Variants in BPTF observed in about 807,000 individuals in gnomAD.
BPTF encodes the protein nucleosome-remodeling factor subunit BPTF.
BPTF carries 18 observed loss-of-function variants against 292.5 expected under a neutral mutation model. The ratio of observed to expected loss-of-function variants is 0.06; its 90% CI spans 0.04 to 0.09. BPTF has a LOEUF of 0.09. BPTF is among the 10% of genes least tolerant of loss of function. The pLI, the probability that BPTF is intolerant of heterozygous loss-of-function variation, is 1.00. For missense variants in BPTF, 2,726 were observed against 3,498.7 expected (o/e 0.78, Z 5.57); for synonymous variants, 1,225 against 1,251.9 (o/e 0.98, Z 0.45).
At chr17:67,918,280 T>C (rs182217499) in intron 11 of BPTF, among the ~76,000 whole-genome samples, 18 of 152,346 alleles carry the variant, frequency 1.2e-4, no homozygotes, top group African/African-American at 4.3e-4. Context: ...AGGTTTCTTG[T>C]TTTTGCAAAA....
intron 5 of BPTF, 117 bp downstream of exon 5, chr17:67,892,151 A>T: frequency 1.2e-6 from 1 of 804,820 alleles, no homozygotes; most frequent in East Asian, 3.0e-5. Flanking sequence ...TTTGAATTAT[A>T]TTTTCTCTGT....
At chr17:67,969,322 C>T (rs1262386147) in intron 26 of BPTF, among the ~76,000 whole-genome samples, 2 of 150,296 alleles carry the variant, frequency 1.3e-5, no homozygotes, top group Non-Finnish European at 2.9e-5. Flanking sequence ...GGTGTGGTGG[C>T]GGGTGCCTGT....
intron 27 of BPTF, among the ~76,000 whole-genome samples, chr17:67,981,036 G>A (rs1255147374): frequency 6.6e-6 from 1 of 152,174 alleles, no homozygotes; most frequent in African/African-American, 2.4e-5. Flanking sequence ...GCATGTGCCT[G>A]TAGTCCCAGC....
chr17:67,844,062 GC>G (rs141956418), intron 1 of BPTF, among the ~76,000 whole-genome samples: 8 of 139,194 alleles, frequency 5.7e-5, no homozygotes, highest in Admixed American at 5.0e-4. Context: ...ACCGTGCCCG[GC>G]CCCCGCCTTT....
chr17:67,917,140 T>TCC lies in BPTF; in HGVS notation c.5304-1574_5304-1573insCC, dbSNP rs1369866927. Among the ~76,000 whole-genome samples the TCC allele has an allele frequency of 1.3e-4, 19 of 145,430 alleles. 2 individuals are homozygous for TCC. The highest frequency in any genetic ancestry group is 4.9e-4 in the African/African-American group (19 of 38,900). On this transcript the variant is annotated intron_variant, in intron 11 of 27. Transcript: ENST00000306378. ...CTAATATGGTATTGTCCTTTTTTTTTTTTTTTTTTTGAGATAGAGTCTCAC... is the reference window on the plus strand; with the variant it reads ...CTAATATGGTATTGTCCTTTTTTTTTCCTTTTTTTTTTGAGATAGAGTCTCAC...
At chr17:67,950,600 G>A (rs1321510839) in intron 23 of BPTF, among the ~76,000 whole-genome samples, 1 of 152,074 alleles carries the variant, frequency 6.6e-6, no homozygotes, top group Non-Finnish European at 1.5e-5. Flanking sequence ...CACTTTGGGA[G>A]GCTGAGGCGA....
chr17:67,942,803 A>G lies in BPTF; in HGVS notation c.6478-1347A>G, dbSNP rs1343448351. The stretch of plus-strand genomic sequence containing the variant: ...AAAAATGAATAGACTTCAGCCACAC[A>G]GAACTATGCAGATGATTCTCACAAA... On this transcript the variant is annotated intron_variant, in intron 19 of 27. Coordinates refer to ENST00000306378, the MANE Select transcript of BPTF (RefSeq NM_182641.4). 5.3e-5 allele frequency among the ~76,000 whole-genome samples: 8 copies of G among 152,254 alleles called. No individual in the cohort carries two copies. The East Asian group carries it at 1.3e-3, about 26-fold the overall frequency.
chr17:67,964,478 A>G, intron 25 of BPTF, 74 bp downstream of exon 25: 2 of 1,469,448 alleles, frequency 1.4e-6, no homozygotes, highest in East Asian at 2.4e-5. Context: ...CTAGGATTTC[A>G]AGTTTCCAAT....
At chr17:67,884,767 A>T (rs898849969) in intron 4 of BPTF, among the ~76,000 whole-genome samples, 1 of 151,870 alleles carries the variant, frequency 6.6e-6, no homozygotes, top group Non-Finnish European at 1.5e-5. Context: ...AAATACTCCA[A>T]TGAATAGCTA....
intron 1 of BPTF, among the ~76,000 whole-genome samples, chr17:67,852,220 A>G (rs1219337883): frequency 2.0e-5 from 3 of 152,142 alleles, no homozygotes; most frequent in Admixed American, 2.0e-4. Context: ...CATTAGTGGC[A>G]GCATCATTTT....
chr17:67,826,164 A>AGGG lies in BPTF; in HGVS notation c.442_443insGGG (p.Glu147_Glu148insGly), dbSNP rs1185875248. On this transcript the variant is annotated inframe_insertion, in exon 1 of 28. Coordinates refer to ENST00000306378, the MANE Select transcript of BPTF (RefSeq NM_182641.4). ...GACATGGTCTCCGAGGAGGAGGAGG[A>AGGG]GGAGGACGGCGACGCCGAGGAGACC... 2 of 1,556,810 alleles carry AGGG rather than the reference A, an allele frequency of 1.3e-6. No homozygotes were observed. Among genetic ancestry groups the AGGG allele is most frequent in the Non-Finnish European group, 1.8e-6 (2 of 1,128,448 alleles).
intron 4 of BPTF, among the ~76,000 whole-genome samples, chr17:67,883,424 T>G (rs1258884518): frequency 1.3e-5 from 2 of 151,888 alleles, no homozygotes; most frequent in East Asian, 3.9e-4. Flanking sequence ...TAACTTTTAA[T>G]TTTTTGAAAA....
Position 67,922,896 on chromosome 17 carries a change from C to T in BPTF, c.5614C>T (p.Pro1872Ser), listed in dbSNP as rs2063553441. 1 of 1,613,916 alleles carries T rather than the reference C, an allele frequency of 6.2e-7. No homozygotes were observed. The highest frequency in any genetic ancestry group is 1.7e-5 in the Admixed American group (1 of 59,968). ...ATCAAGTGCACTGCGGCCAAAGAGA[C>T]CAGAAACGCCCAAGCAAACTGGCCC... is the stretch of plus-strand genomic sequence containing the variant. ...LRSSALRPKR[P>S]ETPKQTGPVI... Residue 1872 changes from proline (P) to serine (S), a missense_variant, in exon 14 of 28, where the codon CCA becomes TCA. This residue lies in a region of BPTF where 198 missense variants were observed against 277.1 expected (regional missense o/e 0.71). Coordinates refer to ENST00000306378, the MANE Select transcript of BPTF (RefSeq NM_182641.4).
Position 67,947,820 on chromosome 17 carries a change from G to A in BPTF, c.7700+12G>A, listed in dbSNP as rs375275463. ...GAAGAGAATCAAAGGTAGGGGAGACGCAGGGTCTTGTTGTCTGTCCGTCTC... is the reference window on the plus strand; with the variant it reads ...GAAGAGAATCAAAGGTAGGGGAGACACAGGGTCTTGTTGTCTGTCCGTCTC... On this transcript the variant is annotated intron_variant, in intron 22 of 27. Transcript: ENST00000306378. The A allele has an allele frequency of 9.7e-6, 15 of 1,550,410 alleles. No individual in the cohort carries two copies. Among genetic ancestry groups the A allele is most frequent in the Middle Eastern group, 1.7e-4 (1 of 6,010 alleles).
chr17:67,971,186 C>T (rs1470643713), intron 26 of BPTF, among the ~76,000 whole-genome samples: 1 of 152,212 alleles, frequency 6.6e-6, no homozygotes, highest in Non-Finnish European at 1.5e-5. Flanking sequence ...TCAAGCAATT[C>T]TCCTGCCTCA....
chr17:67,919,983 GTTA>G, intron 12 of BPTF, 29 bp from the exon 13 acceptor site: 1 of 1,582,598 alleles, frequency 6.3e-7, no homozygotes, highest in Non-Finnish European at 8.6e-7. Flanking sequence ...ATTTCAGTTG[GTTA>G]TTAATACTAT....
At chr17:67,876,956 C>T (rs1467521274) in intron 4 of BPTF, among the ~76,000 whole-genome samples, 2 of 152,172 alleles carry the variant, frequency 1.3e-5, no homozygotes, top group East Asian at 3.8e-4. Flanking sequence ...GAGTGTTGGA[C>T]AGCTGAAGAT....
chr17:67,940,727 G>T, intron 19 of BPTF, 71 bp downstream of exon 19: 3 of 1,477,528 alleles, frequency 2.0e-6, no homozygotes, highest in South Asian at 2.5e-5. Context: ...TTAAAAACAT[G>T]AACTTATTTT....
At chr17:67,975,549 C>A (rs2069307498) in intron 26 of BPTF, 3 of 453,960 alleles carry the variant, frequency 6.6e-6, no homozygotes, top group Non-Finnish European at 3.9e-6. Flanking sequence ...AGTAAAAGAA[C>A]CTTAACAGCA....
Sources: allele counts gnomAD v4.1 joint callset (sites outside exome capture counted in the v4.1 genomes callset), GRCh38; gene constraint gnomAD v4.1.1; regional missense constraint gnomAD v4.1.1; transcripts MANE v1.5; gene names NCBI Gene and HGNC (gene_info 2026-07-23, HGNC 2026-07-21).